The following RHOT1 variants were observed in gnomAD, a reference collection of about 807,000 sequenced individuals.
RHOT1 encodes the protein mitochondrial Rho GTPase 1.
Under a neutral mutation model 95.3 loss-of-function variants are expected in RHOT1, and 27 were observed. That is an observed-to-expected ratio of 0.28 (90% CI 0.21 to 0.39). The LOEUF is 0.39. RHOT1 is among the 10% of genes least tolerant of loss of function. RHOT1 has a pLI of 1.00. For synonymous variants in RHOT1, 227 were observed against 263.5 expected, an observed-to-expected ratio of 0.86 and a Z score of 1.34; for missense variants, 578 against 786.7, an observed-to-expected ratio of 0.73 and a Z score of 3.17.
chr17:32,194,930 A>T (rs1236916796), intron 11 of RHOT1, among the ~76,000 whole-genome samples: 1 of 146,832 alleles, frequency 6.8e-6, no homozygotes, highest in Non-Finnish European at 1.5e-5. Flanking sequence ...CGTTTAAGCG[A>T]TTCTTCTGTC....
At chr17:32,151,004 C>G (rs2032214027) in intron 1 of RHOT1, 2 of 1,518,592 alleles carry the variant, frequency 1.3e-6, no homozygotes, top group African/African-American at 2.8e-5. Flanking sequence ...TCGCCGGTTC[C>G]TAAACCAAAC....
intron 14 of RHOT1, 94 bp from the exon 15 acceptor site, chr17:32,202,676 G>T: frequency 1.2e-6 from 1 of 800,132 alleles, no homozygotes. Flanking sequence ...AAAATAATAA[G>T]CAGCAATGCC....
chr17:32,173,755 T>G, intron 2 of RHOT1, 76 bp from the exon 3 acceptor site: 3 of 995,376 alleles, frequency 3.0e-6, no homozygotes, highest in Non-Finnish European at 4.7e-6. Context: ...GTAGATAAAT[T>G]TATATCATCT....
chr17:32,177,368 G>A (rs2035089520), intron 6 of RHOT1, among the ~76,000 whole-genome samples: 2 of 152,276 alleles, frequency 1.3e-5, no homozygotes, highest in Middle Eastern at 3.4e-3. Context: ...TGTTGTATTG[G>A]ACAGGGATGC....
At chr17:32,155,382 G>A (rs965945680) in intron 1 of RHOT1, among the ~76,000 whole-genome samples, 1 of 151,788 alleles carries the variant, frequency 6.6e-6, no homozygotes, top group Non-Finnish European at 1.5e-5. Context: ...GGATGGTCTC[G>A]ATCTCCTGAC....
At chr17:32,179,458 G>A (rs1479398500) in intron 6 of RHOT1, 2 of 141,340 alleles carry the variant, frequency 1.4e-5, no homozygotes, top group African/African-American at 5.3e-5. Flanking sequence ...CCCCATCTGG[G>A]ATGTGAGGAG....
At chr17:32,150,995 C>T (rs776312686) in intron 1 of RHOT1, 964 of 1,535,982 alleles carry the variant, frequency 6.3e-4, no homozygotes, top group Non-Finnish European at 7.4e-4. Flanking sequence ...CAATTTGAAT[C>T]GCCGGTTCCT....
At chr17:32,156,500 G>A (rs1234665178) in intron 1 of RHOT1, among the ~76,000 whole-genome samples, 1 of 152,146 alleles carries the variant, frequency 6.6e-6, no homozygotes, top group Non-Finnish European at 1.5e-5. Flanking sequence ...TGAACTCCTG[G>A]GCTCAAGTGA....
chr17:32,203,306 T>C (rs79420532), intron 15 of RHOT1, among the ~76,000 whole-genome samples: 7,870 of 142,916 alleles, frequency 0.055, 402 homozygotes, highest in East Asian at 0.2. Flanking sequence ...GGCGAGGCAT[T>C]GCTCTGTTGC....
chr17:32,205,646 G>A (rs1055952273), intron 16 of RHOT1, among the ~76,000 whole-genome samples: 9 of 152,224 alleles, frequency 5.9e-5, no homozygotes, highest in African/African-American at 2.2e-4. Flanking sequence ...ACAGTAGAAG[G>A]AGGGTTATAT....
intron 8 of RHOT1, among the ~76,000 whole-genome samples, chr17:32,186,131 A>G (rs1197090843): frequency 1.3e-5 from 2 of 152,126 alleles, no homozygotes; most frequent in Non-Finnish European, 2.9e-5. Flanking sequence ...TGACTGGACC[A>G]TTTTACATTC....
chr17:32,190,222 G>A (rs1156940914), intron 8 of RHOT1, among the ~76,000 whole-genome samples: 6 of 152,044 alleles, frequency 3.9e-5, no homozygotes, highest in Admixed American at 3.3e-4. Flanking sequence ...TTGGGGGGCC[G>A]AGGCAGGCAG....
intron 1 of RHOT1, among the ~76,000 whole-genome samples, chr17:32,166,452 T>G (rs987929055): frequency 6.6e-6 from 1 of 152,086 alleles, no homozygotes; most frequent in African/African-American, 2.4e-5. Context: ...ACTATGACAT[T>G]TGCTGCATCG....
At chr17:32,224,525 A>G (rs1191326219) in intron 19 of RHOT1, 91 bp from the exon 20 acceptor site, 7 of 819,784 alleles carry the variant, frequency 8.5e-6, no homozygotes, top group Non-Finnish European at 1.2e-5. Flanking sequence ...CAAGTGTGCT[A>G]ATACTTCCCT....
At chr17:32,170,417 A>G (rs912267564) in intron 1 of RHOT1, among the ~76,000 whole-genome samples, 7 of 151,558 alleles carry the variant, frequency 4.6e-5, no homozygotes, top group Non-Finnish European at 1.0e-4. Context: ...TCCATCTCAC[A>G]AAAAAAAAGA....
intron 10 of RHOT1, among the ~76,000 whole-genome samples, chr17:32,193,733 A>AT (rs1374094369): frequency 1.3e-5 from 2 of 152,242 alleles, no homozygotes; most frequent in African/African-American, 4.8e-5. Context: ...AACTTTGTGC[A>AT]TGTCAGTATA....
chr17:32,173,710 TAAA>T (rs376220288), intron 2 of RHOT1, 118 bp from the exon 3 acceptor site: 45 of 589,946 alleles, frequency 7.6e-5, no homozygotes, highest in Admixed American at 1.3e-4. Context: ...GAGACTCCAT[TAAA>T]AAAAAAAAAA....
At chr17:32,212,002 T>G (rs754151302) in intron 19 of RHOT1, among the ~76,000 whole-genome samples, 5 of 152,170 alleles carry the variant, frequency 3.3e-5, no homozygotes, top group Non-Finnish European at 5.9e-5. Flanking sequence ...TTCAAATCAG[T>G]TTTACATTTT....
rs1598291477 is a variant in RHOT1 at position 32,153,401 on chromosome 17, A to G, written c.37+10672A>G. Among the ~76,000 whole-genome samples, 19 of 152,276 alleles carry G rather than the reference A, an allele frequency of 1.2e-4. No homozygotes were observed. In the Middle Eastern group the frequency reaches 0.01, roughly 82 times the overall value. Reference sequence around the variant, plus strand: ...TAGCTGGGCTCTGTGGCTCATGCCTATAATGCCAGCACTTTGGGAGGCCAA... The same window carrying G: ...TAGCTGGGCTCTGTGGCTCATGCCTGTAATGCCAGCACTTTGGGAGGCCAA... On this transcript the variant is annotated intron_variant, in intron 1 of 19. Transcript: ENST00000545287.
Sources: allele counts gnomAD v4.1 joint callset (sites outside exome capture counted in the v4.1 genomes callset), GRCh38; gene constraint gnomAD v4.1.1; transcripts MANE v1.5; gene names NCBI Gene and HGNC (gene_info 2026-07-23, HGNC 2026-07-21).